The following PKD1L1 variants were observed in gnomAD, a reference collection of about 807,000 sequenced individuals.
The protein encoded by PKD1L1 is polycystin 1 like 1, transient receptor potential channel interacting.
Under a neutral mutation model 323.4 loss-of-function variants are expected in PKD1L1, and 236 were observed. That is an observed-to-expected ratio of 0.73 (90% CI 0.66 to 0.81). The LOEUF (loss-of-function observed/expected upper bound fraction) is 0.81. Ranked by LOEUF, PKD1L1 falls within the 40% of genes least tolerant of loss-of-function variation. The pLI is 0.00. For missense variants in PKD1L1, 3,320 were observed against 3,508.0 expected, an observed-to-expected ratio of 0.95 and a Z score of 1.35; for synonymous variants, 1,344 against 1,335.0, an observed-to-expected ratio of 1.01 and a Z score of -0.15.
At chr7:47,776,152 A>G (rs73101480) in intron 56 of PKD1L1, among the ~76,000 whole-genome samples, 1 of 152,254 alleles carries the variant, frequency 6.6e-6, no homozygotes, top group Admixed American at 6.5e-5. Context: ...ATAGTCCTAT[A>G]CTTCTTTAAA....
At chr7:47,915,065 AGGCCACATGACAT>A (rs1787399191) in intron 8 of PKD1L1, among the ~76,000 whole-genome samples, 1 of 151,302 alleles carries the variant, frequency 6.6e-6, no homozygotes, top group South Asian at 2.1e-4. Context: ...TTCACAAAAG[AGGCCACATGACAT>A]GTGAAAATTT....
chr7:47,914,283 T>C (rs906935022), intron 8 of PKD1L1, among the ~76,000 whole-genome samples: 4 of 152,058 alleles, frequency 2.6e-5, no homozygotes, highest in African/African-American at 9.7e-5. Flanking sequence ...ATGTAAAATA[T>C]GACAAACATC....
At chr7:47,916,017 T>C (rs1787422651) in intron 7 of PKD1L1, among the ~76,000 whole-genome samples, 1 of 152,142 alleles carries the variant, frequency 6.6e-6, no homozygotes, top group South Asian at 2.1e-4. Context: ...AAAAGGAAAT[T>C]CTCCAAAATA....
At chr7:47,849,748 A>G (rs1469875431) in intron 31 of PKD1L1, among the ~76,000 whole-genome samples, 1 of 152,224 alleles carries the variant, frequency 6.6e-6, no homozygotes, top group Non-Finnish European at 1.5e-5. Context: ...GGGAATGTAA[A>G]CTAGTACAAC....
chr7:47,861,943 C>T (rs1486485163), intron 26 of PKD1L1, among the ~76,000 whole-genome samples: 1 of 148,624 alleles, frequency 6.7e-6, no homozygotes, highest in Non-Finnish European at 1.5e-5. Context: ...ATCTGTAATC[C>T]CAGCACTTTG....
Position 47,829,562 on chromosome 7 carries a change from CTCT to C in PKD1L1, c.6595_6597del (p.Arg2199del), listed in dbSNP as rs753521648. ...GACTCAGTAAAAAAGTGGTTGTCAG[CTCT>C]TCTTTTCCAAGCAAAACCCAAGGCC... On this transcript the variant is annotated inframe_deletion, in exon 44 of 57. Transcript: ENST00000289672. 1.6e-5 allele frequency: 25 copies of C among 1,612,896 alleles called. No homozygotes were observed. Among genetic ancestry groups the C allele is most frequent in the Non-Finnish European group, 2.1e-5 (25 of 1,179,756 alleles).
intron 42 of PKD1L1, among the ~76,000 whole-genome samples, chr7:47,830,697 C>A (rs763280639): frequency 2.6e-5 from 4 of 152,160 alleles, no homozygotes; most frequent in Admixed American, 6.5e-5. Flanking sequence ...TGAGGCTACT[C>A]TTTGTGGTTT....
intron 30 of PKD1L1, among the ~76,000 whole-genome samples, chr7:47,853,897 A>AG: frequency 6.6e-6 from 1 of 152,206 alleles, no homozygotes; most frequent in South Asian, 2.1e-4. Context: ...GGGGCACTGC[A>AG]GCACCCACAC....
At chr7:47,775,742 T>A (rs1786552634) in intron 56 of PKD1L1, among the ~76,000 whole-genome samples, 1 of 144,676 alleles carries the variant, frequency 6.9e-6, no homozygotes, top group African/African-American at 2.6e-5. Flanking sequence ...CAACTTAAAC[T>A]CAAAGTAAAC....
At chr7:47,958,261 G>C in the PKD1L1 span, among the ~76,000 whole-genome samples, 2 of 152,146 alleles carry the variant, frequency 1.3e-5, no homozygotes, top group Admixed American at 6.5e-5. Context: ...CAATGGAACA[G>C]AGAACCCAGG....
intron 43 of PKD1L1, among the ~76,000 whole-genome samples, 171 bp from the exon 44 acceptor site, chr7:47,829,772 G>C (rs1344140049): frequency 6.6e-6 from 1 of 152,118 alleles, no homozygotes; most frequent in Non-Finnish European, 1.5e-5. Context: ...GCATGGCCCC[G>C]CCCAAGAGAC....
At chr7:47,877,094 G>A (rs924386898) in intron 22 of PKD1L1, among the ~76,000 whole-genome samples, 8 of 152,142 alleles carry the variant, frequency 5.3e-5, no homozygotes, top group African/African-American at 1.9e-4. Context: ...GAGAAAGGGT[G>A]AGGGTAAGTC....
At chr7:47,828,116 A>G (rs1785271998) in intron 44 of PKD1L1, among the ~76,000 whole-genome samples, 1 of 152,164 alleles carries the variant, frequency 6.6e-6, no homozygotes, top group Non-Finnish European at 1.5e-5. Context: ...TTGGGGCTTA[A>G]GTTACTCCCT....
chr7:47,953,731 A>G, the PKD1L1 span, among the ~76,000 whole-genome samples: 2 of 152,258 alleles, frequency 1.3e-5, no homozygotes, highest in Non-Finnish European at 2.9e-5. Context: ...AATTTGAACT[A>G]GGTGAAGTGT....
chr7:47,918,929 A>G (rs1787483310), intron 7 of PKD1L1, among the ~76,000 whole-genome samples: 1 of 152,136 alleles, frequency 6.6e-6, no homozygotes, highest in African/African-American at 2.4e-5. Context: ...AAAGAGCACA[A>G]ACAGACAATC....
chr7:47,819,546 G>T (rs761638819), intron 46 of PKD1L1: 1 of 1,362,364 alleles, frequency 7.3e-7, no homozygotes, highest in East Asian at 4.6e-5. Flanking sequence ...GCACGGATAG[G>T]AGAGCTGAAA....
At chr7:47,844,446 A>T (rs771448349) in intron 33 of PKD1L1, among the ~76,000 whole-genome samples, 7 of 152,224 alleles carry the variant, frequency 4.6e-5, no homozygotes, top group Non-Finnish European at 8.8e-5. Context: ...GGTGACACTG[A>T]TGAATAAGAC....
chr7:47,902,318 T>C, intron 13 of PKD1L1, 61 bp downstream of exon 13: 1 of 1,589,104 alleles, frequency 6.3e-7, no homozygotes, highest in South Asian at 1.2e-5. Context: ...CAAACAGTGG[T>C]CCCAACTCAG....
At chr7:47,921,560 T>C (rs914281990) in intron 7 of PKD1L1, among the ~76,000 whole-genome samples, 1 of 152,188 alleles carries the variant, frequency 6.6e-6, no homozygotes, top group African/African-American at 2.4e-5. Context: ...TAAGTCATTA[T>C]ACGAAAAAGA....
Sources: allele counts gnomAD v4.1 joint callset (sites outside exome capture counted in the v4.1 genomes callset), GRCh38; gene constraint gnomAD v4.1.1; transcripts MANE v1.5; gene names NCBI Gene and HGNC (gene_info 2026-07-23, HGNC 2026-07-21).